PCBP3: variants seen among roughly 807,000 people sequenced by gnomAD.
PCBP3 encodes poly(rC)-binding protein 3.
A neutral mutation model predicts 52.7 loss-of-function variants in PCBP3; 25 were observed. That is an observed-to-expected ratio of 0.47 (90% confidence interval 0.35 to 0.66). The LOEUF (loss-of-function observed/expected upper bound fraction) is 0.66, where lower values mean the gene tolerates loss of function less well. PCBP3 is among the 30% of genes least tolerant of loss of function. PCBP3 has a pLI of 0.01. For missense variants in PCBP3, 391 were observed against 490.3 expected (o/e 0.80, Z 1.91); for synonymous variants, 162 against 183.0 (o/e 0.89, Z 0.93).
At chr21:45,784,426 CTCCTA>C (rs2090926726) in intron 4 of PCBP3, among the ~76,000 whole-genome samples, 1 of 84,662 alleles carries the variant, frequency 1.2e-5, no homozygotes, top group African/African-American at 5.9e-5. Flanking sequence ...CTACCCCTAC[CTCCTA>C]CCTCCTACCT....
intron 1 of PCBP3, among the ~76,000 whole-genome samples, chr21:45,661,299 C>T (rs1291618610): frequency 6.6e-6 from 1 of 151,994 alleles, no homozygotes; most frequent in Non-Finnish European, 1.5e-5. Flanking sequence ...CATTCCCCAC[C>T]CCCTCTCACC....
chr21:45,716,868 T>A (rs934264114), intron 2 of PCBP3, among the ~76,000 whole-genome samples: 10 of 152,270 alleles, frequency 6.6e-5, no homozygotes, highest in African/African-American at 2.4e-4. Flanking sequence ...TTCATATGAA[T>A]TTTAGAATCA....
At chr21:45,865,978 G>T (rs1206753418) in intron 5 of PCBP3, among the ~76,000 whole-genome samples, 2 of 152,188 alleles carry the variant, frequency 1.3e-5, no homozygotes, top group African/African-American at 4.8e-5. Flanking sequence ...CGCATGGACT[G>T]GACCATCTGT....
intron 16 of PCBP3, 112 bp from the exon 17 acceptor site, chr21:45,939,918 C>G (rs2077276898): frequency 1.1e-6 from 1 of 938,748 alleles, no homozygotes; most frequent in Admixed American, 2.1e-5. Flanking sequence ...GGTCTTGGGG[C>G]AGAGTCCAAG....
At chr21:45,823,893 C>CCT (rs771643521) in intron 4 of PCBP3, among the ~76,000 whole-genome samples, 7 of 152,076 alleles carry the variant, frequency 4.6e-5, no homozygotes, top group Non-Finnish European at 8.8e-5. Context: ...AGGCACCCAC[C>CCT]ACCACGCCCA....
In PCBP3 at chr21:45,928,964, C is replaced by A. The variant is rs1185564581; in HGVS notation, c.718-953C>A. On this transcript the variant is annotated intron_variant, in intron 13 of 17. Transcript: ENST00000681687. The surrounding 1 kb of genome is among the most constrained non-coding windows in gnomAD (Gnocchi z 4.1). ...CTGCAGCACCCAGCCTTGACAGCCCCACTGGAGGCCTGTGGCTCCTGGGAA... is the reference window on the plus strand; with the variant it reads ...CTGCAGCACCCAGCCTTGACAGCCCAACTGGAGGCCTGTGGCTCCTGGGAA... Among the ~76,000 whole-genome samples, 1 of 152,214 alleles carries A rather than the reference C, an allele frequency of 6.6e-6. No individual in the cohort carries two copies. The highest frequency in any genetic ancestry group is 1.5e-5 in the Non-Finnish European group (1 of 68,036).
intron 13 of PCBP3, among the ~76,000 whole-genome samples, 198 bp from the exon 14 acceptor site, chr21:45,929,719 C>T (rs558006794): frequency 5.5e-4 from 84 of 152,344 alleles, no homozygotes; most frequent in African/African-American, 1.8e-3. Flanking sequence ...TTCTGCACGC[C>T]GGGCATTGGC....
intron 4 of PCBP3, among the ~76,000 whole-genome samples, chr21:45,757,578 T>C (rs1234241538): frequency 1.3e-5 from 2 of 152,240 alleles, no homozygotes; most frequent in African/African-American, 4.8e-5. Flanking sequence ...AGTTAAGTCA[T>C]AGCTAAGAAA....
chr21:45,838,604 A>T (rs2093638422), intron 4 of PCBP3, among the ~76,000 whole-genome samples: 1 of 152,196 alleles, frequency 6.6e-6, no homozygotes, highest in Non-Finnish European at 1.5e-5. Context: ...TAACTTAAAA[A>T]TTTAAAACTT....
intron 13 of PCBP3, among the ~76,000 whole-genome samples, chr21:45,920,397 C>T (rs1276870022): frequency 1.3e-5 from 2 of 152,238 alleles, no homozygotes; most frequent in Non-Finnish European, 1.5e-5. Flanking sequence ...TGCTCTTTCT[C>T]ATGTGACTTT....
chr21:45,935,191 C>A, intron 15 of PCBP3, 62 bp from the exon 16 acceptor site: 1 of 1,138,716 alleles, frequency 8.8e-7, no homozygotes, highest in Non-Finnish European at 1.3e-6. Flanking sequence ...GAGGGACAGG[C>A]ACTGGAGTGT....
At chr21:45,732,137 AT>A in intron 2 of PCBP3, among the ~76,000 whole-genome samples, 1 of 152,128 alleles carries the variant, frequency 6.6e-6, no homozygotes, top group East Asian at 1.9e-4. Context: ...TTTGAAAGTT[AT>A]TTTTACTATG....
In PCBP3 at chr21:45,829,225, G is replaced by A. The variant is rs746089052; in HGVS notation, c.-125-20736G>A. The A allele has an allele frequency of 4.6e-5, 7 of 150,792 alleles. No individual in the cohort carries two copies. Among genetic ancestry groups the A allele is most frequent in the Admixed American group, 1.3e-4 (2 of 15,264 alleles). The allele number at this position is 150,792 out of a possible 1,614,324, so 9.3% of individuals were successfully genotyped here. A position where few individuals can be genotyped will look rare whatever the true frequency, so the allele number is the denominator to read the frequency against. ...GCTCTGGATGGGCCCCACGTGGTGGGGGCCTTCAGATTCTCTGAGATTCAA... is the reference window on the plus strand; with the variant it reads ...GCTCTGGATGGGCCCCACGTGGTGGAGGCCTTCAGATTCTCTGAGATTCAA... On this transcript the variant is annotated intron_variant, in intron 4 of 17. Coordinates refer to ENST00000681687, the MANE Select transcript of PCBP3 (RefSeq NM_001384156.1). This position sits in a 1 kb window ranked among gnomAD's most constrained non-coding sequence, Gnocchi z 5.2.
chr21:45,694,870 C>A (rs1268719533), intron 2 of PCBP3, among the ~76,000 whole-genome samples: 1 of 152,142 alleles, frequency 6.6e-6, no homozygotes, highest in Non-Finnish European at 1.5e-5. Context: ...ATAAAAATAT[C>A]AGTTCTTTCC....
At chr21:45,889,126 C>T (rs576238491) in intron 5 of PCBP3, among the ~76,000 whole-genome samples, 4 of 152,222 alleles carry the variant, frequency 2.6e-5, no homozygotes, top group Non-Finnish European at 5.9e-5. Flanking sequence ...TGCCCTCATC[C>T]TGGGTCTGTT....
At chr21:45,754,458 A>C (rs1216571809) in intron 3 of PCBP3, among the ~76,000 whole-genome samples, 1 of 152,158 alleles carries the variant, frequency 6.6e-6, no homozygotes, top group South Asian at 2.1e-4. Context: ...AACCTACCCA[A>C]ATCTGCTGGT....
chr21:45,747,427 G>A (rs2087002750), intron 3 of PCBP3, among the ~76,000 whole-genome samples: 1 of 152,226 alleles, frequency 6.6e-6, no homozygotes, highest in Non-Finnish European at 1.5e-5. Context: ...GCCGCGGGGT[G>A]AGCTCTGGGC....
intron 5 of PCBP3, among the ~76,000 whole-genome samples, chr21:45,883,668 G>A (rs541863263): frequency 6.6e-6 from 1 of 152,166 alleles, no homozygotes; most frequent in Non-Finnish European, 1.5e-5. Flanking sequence ...TTGCTCTGAC[G>A]TCTATTTTTT....
intron 13 of PCBP3, among the ~76,000 whole-genome samples, chr21:45,923,431 C>T (rs2074752874): frequency 1.3e-5 from 2 of 152,370 alleles, no homozygotes; most frequent in African/African-American, 4.8e-5. Flanking sequence ...CCAGGCAACC[C>T]TCACTGCTGG....
Sources: gnomAD v4.1 joint callset for allele counts (sites outside exome capture counted in the v4.1 genomes callset) on GRCh38, gnomAD v4.1.1 for gene constraint, Gnocchi (gnomAD v3.1) non-coding constraint, MANE v1.5 for transcripts, NCBI Gene and HGNC (gene_info 2026-07-23, HGNC 2026-07-21) for gene names.